The following RIOK3 variants were observed in gnomAD, a reference collection of about 807,000 sequenced individuals.
The protein encoded by RIOK3 is RIO kinase 3, also known as serine/threonine-protein kinase RIO3.
In RIOK3, 40 loss-of-function variants were observed where a neutral mutation model predicts 63.5. The ratio of observed to expected loss-of-function variants is 0.63; its 90% CI spans 0.49 to 0.82. The LOEUF (loss-of-function observed/expected upper bound fraction) is 0.82, where lower values mean the gene tolerates loss of function less well. RIOK3 is among the 40% of genes least tolerant of loss of function. RIOK3 has a pLI of 0.00. For synonymous variants in RIOK3, 193 were observed against 205.0 expected (o/e 0.94, Z 0.50); for missense variants, 557 against 637.0 (o/e 0.87, Z 1.35).
intron 7 of RIOK3, among the ~76,000 whole-genome samples, chr18:23,469,824 A>C (rs2057444213): frequency 6.6e-6 from 1 of 152,132 alleles, no homozygotes; most frequent in South Asian, 2.1e-4. Flanking sequence ...TTGGTCAGGC[A>C]ATCAACAATT....
At position 23,473,483 on chromosome 18, in the gene RIOK3, G is replaced by T; in HGVS notation, c.870G>T (p.Lys290Asn). 6.2e-7 allele frequency: 1 copy of T among 1,612,386 alleles called. No homozygotes were observed. Among genetic ancestry groups the T allele is most frequent in the Non-Finnish European group, 8.5e-7 (1 of 1,179,112 alleles). ...SKVIPTECAI[K>N]VFKTTLNEFK... ...TTATACCTACAGAATGTGCCATCAA[G>T]GTATTTAAAACAACCCTTAATGAAT... Residue 290 changes from lysine (K) to asparagine (N), a missense_variant, in exon 8 of 13, where the codon AAG becomes AAT. Physicochemically the swap from Lys to Asn is moderately conservative, Grantham distance 94. This residue lies in a region of RIOK3 where 309 missense variants were observed against 338.7 expected (regional missense o/e 0.91). Transcript: ENST00000339486.
intron 9 of RIOK3, among the ~76,000 whole-genome samples, chr18:23,475,971 GAGAC>G (rs1165042012): frequency 1.9e-4 from 19 of 100,654 alleles, no homozygotes; most frequent in Non-Finnish European, 3.2e-4. Context: ...TTTCAAATAA[GAGAC>G]AGGGTCTCAC....
chr18:23,466,345 G>GA (rs1029937270), intron 6 of RIOK3, 69 bp downstream of exon 6: 2,669 of 1,210,688 alleles, frequency 2.2e-3, no homozygotes, highest in South Asian at 3.4e-3. Context: ...TTTGGGTAAA[G>GA]AAAAAAAAAC....
chr18:23,477,151 C>T (rs1303796155), intron 10 of RIOK3, 28 bp from the exon 11 acceptor site: 2 of 1,610,862 alleles, frequency 1.2e-6, no homozygotes, highest in South Asian at 1.1e-5. Flanking sequence ...AATGTAAATA[C>T]ATCAGTTCAT....
At chr18:23,455,827 C>T (rs930938782) in intron 1 of RIOK3, among the ~76,000 whole-genome samples, 18 of 151,498 alleles carry the variant, frequency 1.2e-4, no homozygotes, top group African/African-American at 4.4e-4. Flanking sequence ...GAGACGGAGC[C>T]TCGCTCTGTC....
At chr18:23,478,444 T>C (rs1401363944) in intron 11 of RIOK3, among the ~76,000 whole-genome samples, 2 of 151,848 alleles carry the variant, frequency 1.3e-5, no homozygotes, top group South Asian at 2.1e-4. Context: ...GTGGAACATG[T>C]CTGTAGTCCT....
Position 23,477,196 on chromosome 18 carries a change from C to T in RIOK3, c.1272C>T (p.Val424=). Residue 424 remains valine, a synonymous_variant, in exon 11 of 13, where the codon GTC becomes GTT. Transcript: ENST00000339486. ...TGAAATAGGTCTGGTTGATCGATGT[C>T]AGTCAGTCAGTAGAACCTACCCACC... ...WHAGKVWLID[V]SQSVEPTHPH... is the part of the protein sequence containing the mutation. 1 of 1,613,598 alleles carries T rather than the reference C, an allele frequency of 6.2e-7. No individual in the cohort carries two copies. Among genetic ancestry groups the T allele is most frequent in the Non-Finnish European group, 8.5e-7 (1 of 1,179,574 alleles).
chr18:23,480,447 A>G (rs1243079432), intron 12 of RIOK3, among the ~76,000 whole-genome samples: 2 of 152,210 alleles, frequency 1.3e-5, no homozygotes, highest in African/African-American at 4.8e-5. Flanking sequence ...ATTTCAAAAC[A>G]TAGATGATTC....
intron 7 of RIOK3, among the ~76,000 whole-genome samples, chr18:23,471,717 G>A (rs551670084): frequency 1.3e-5 from 2 of 152,286 alleles, no homozygotes; most frequent in African/African-American, 2.4e-5. Context: ...CACGCTGTTG[G>A]ATTGGAAGTG....
rs185988550 is a variant in RIOK3 at position 23,467,953 on chromosome 18, T to C, written c.815+427T>C. Among the ~76,000 whole-genome samples the C allele has an allele frequency of 2.0e-3, 301 of 152,208 alleles. 2 individuals are homozygous for C. The highest frequency in any genetic ancestry group is 6.7e-3 in the African/African-American group (280 of 41,530). ...CCACCACGCCTGGCTAATTTTTGTA[T>C]TTTTAGTAGAGACAGGGTTTCGCCA... On this transcript the variant is annotated intron_variant, in intron 7 of 12. Transcript: ENST00000339486.
rs1290087456 is a variant in RIOK3, at chr18:23,467,259, A to G, written c.688-140A>G. The G allele has an allele frequency of 5.1e-6, 3 of 588,748 alleles. No homozygotes were observed. In the African/African-American group the frequency reaches 5.7e-5, roughly 11 times the overall value. The allele number at this position is 588,748 out of a possible 1,614,324, so 36.5% of individuals were successfully genotyped here. A position where few individuals can be genotyped will look rare whatever the true frequency, so the allele number is the denominator to read the frequency against. ...AACCTGGGAGGTGGAGGTTGCAGTG[A>G]TCAGAGATGGTGCCATTGTACTCTA... On this transcript the variant is annotated intron_variant, in intron 6 of 12. Coordinates refer to ENST00000339486, the MANE Select transcript of RIOK3 (RefSeq NM_003831.5).
At chr18:23,459,154 T>C (rs1266812945) in intron 1 of RIOK3, among the ~76,000 whole-genome samples, 4 of 152,174 alleles carry the variant, frequency 2.6e-5, no homozygotes, top group Admixed American at 2.6e-4. Context: ...TGCCTGTCAT[T>C]TTTGCCTCTT....
At chr18:23,478,292 G>A (rs2057507050) in intron 11 of RIOK3, among the ~76,000 whole-genome samples, 1 of 152,028 alleles carries the variant, frequency 6.6e-6, no homozygotes, top group South Asian at 2.1e-4. Context: ...TAGGTGGCTG[G>A]GCATGGTGAT....
intron 7 of RIOK3, among the ~76,000 whole-genome samples, chr18:23,469,065 T>C (rs1172217749): frequency 2.0e-5 from 3 of 152,174 alleles, no homozygotes; most frequent in Non-Finnish European, 4.4e-5. Flanking sequence ...CTCACAGGCC[T>C]CTTCACACAC....
At position 23,482,206 on chromosome 18, in the gene RIOK3, G is replaced by A. The variant is rs1314808607; in HGVS notation, c.*927G>A. ...AGAAATATTAAATCTAAGGATGAAA[G>A]GTATATATAAAACAATTTGGGGGCC... On this transcript the variant is annotated 3_prime_UTR_variant, in exon 13 of 13. Coordinates refer to ENST00000339486, the MANE Select transcript of RIOK3 (RefSeq NM_003831.5). 3 of 152,074 alleles carry A rather than the reference G, an allele frequency of 2.0e-5. No individual in the cohort carries two copies. The highest frequency in any genetic ancestry group is 2.9e-5 in the Non-Finnish European group (2 of 68,024). 9.4% of individuals were successfully genotyped at this position (152,074 alleles called of 1,614,324 possible).
At position 23,481,262 on chromosome 18, in the gene RIOK3, C is replaced by T; in HGVS notation, c.1543C>T (p.Leu515=). The part of the protein sequence containing the change: ...SFLKDDGDPP[L]LYDE ...TTTGAAAGATGATGGAGACCCACCA[C>T]TACTATATGATGAATAGCACTAATA... is the stretch of plus-strand genomic sequence containing the variant. The change falls in exon 13 of 13, where the codon CTA becomes TTA. Residue 515 remains leucine (L), a synonymous_variant. Transcript: ENST00000339486. 6.2e-7 allele frequency: 1 copy of T among 1,601,782 alleles called. No individual in the cohort carries two copies. Among genetic ancestry groups the T allele is most frequent in the South Asian group, 1.1e-5 (1 of 90,042 alleles).
intron 12 of RIOK3, among the ~76,000 whole-genome samples, chr18:23,480,555 G>GCGCACACACACACACA (rs779698307): frequency 7.3e-4 from 104 of 142,096 alleles, no homozygotes; most frequent in East Asian, 2.1e-3. Flanking sequence ...TTGGATGCAC[G>GCGCACACACACACACA]CACACACACA....
At chr18:23,459,458 A>G (rs2057360663) in intron 1 of RIOK3, among the ~76,000 whole-genome samples, 2 of 152,206 alleles carry the variant, frequency 1.3e-5, no homozygotes, top group African/African-American at 4.8e-5. Context: ...TTCATGCTCC[A>G]TTGTGGCTAA....
chr18:23,460,769 G>A (rs183899664), intron 1 of RIOK3, among the ~76,000 whole-genome samples: 2 of 152,314 alleles, frequency 1.3e-5, no homozygotes, highest in Admixed American at 1.3e-4. Flanking sequence ...GAAGTCAGGA[G>A]AGTCATGAGG....
Sources: gnomAD v4.1 joint callset for allele counts (sites outside exome capture counted in the v4.1 genomes callset) on GRCh38, gnomAD v4.1.1 for gene constraint, gnomAD v4.1.1 regional missense constraint, MANE v1.5 for transcripts, NCBI Gene and HGNC (gene_info 2026-07-23, HGNC 2026-07-21) for gene names.